RFX3: variants seen among roughly 807,000 people sequenced by gnomAD.
RFX3 encodes regulatory factor X3, also known as transcription factor RFX3.
A neutral mutation model predicts 98.6 loss-of-function variants in RFX3; 14 were observed. That is an observed-to-expected ratio of 0.14 (90% CI 0.09 to 0.22). The LOEUF (loss-of-function observed/expected upper bound fraction) is 0.22. Among genes scored for constraint, RFX3 ranks in the 10% least tolerant of loss-of-function variants. The pLI, the probability that RFX3 is intolerant of heterozygous loss-of-function variation, is 1.00. For synonymous variants in RFX3, 383 were observed against 328.4 expected, an observed-to-expected ratio of 1.17 and a Z score of -1.80; for missense variants, 639 against 926.9, an observed-to-expected ratio of 0.69 and a Z score of 4.03.
intron 7 of RFX3, among the ~76,000 whole-genome samples, chr9:3,279,450 A>G (rs1487152476): frequency 2.0e-5 from 3 of 151,892 alleles, no homozygotes; most frequent in African/African-American, 4.8e-5. Context: ...AAATAATTCC[A>G]ATAGACTTCA....
chr9:3,379,878 CAATT>C (rs1204491480), intron 2 of RFX3, among the ~76,000 whole-genome samples: 12 of 120,724 alleles, frequency 9.9e-5, no homozygotes, highest in Admixed American at 9.9e-5. Flanking sequence ...AACTTATGGG[CAATT>C]TATTTATTTA....
chr9:3,343,355 G>A (rs1395234684), intron 3 of RFX3, among the ~76,000 whole-genome samples: 1 of 152,186 alleles, frequency 6.6e-6, no homozygotes, highest in East Asian at 1.9e-4. Flanking sequence ...TCACACAGAA[G>A]TGGGACTCCG....
intron 15 of RFX3, among the ~76,000 whole-genome samples, chr9:3,245,477 G>A (rs1264650506): frequency 6.6e-6 from 1 of 152,204 alleles, no homozygotes; most frequent in Non-Finnish European, 1.5e-5. Flanking sequence ...AGGGTTTCAA[G>A]TGGGGGATGA....
chr9:3,444,735 C>G (rs972528996), intron 1 of RFX3, among the ~76,000 whole-genome samples: 8 of 152,180 alleles, frequency 5.3e-5, no homozygotes, highest in African/African-American at 1.9e-4. Flanking sequence ...TAGATTTGGT[C>G]TGTGTGGCTT....
chr9:3,478,359 A>G (rs1031389234), intron 1 of RFX3, among the ~76,000 whole-genome samples: 3 of 149,316 alleles, frequency 2.0e-5, no homozygotes, highest in Non-Finnish European at 4.4e-5. Context: ...AACGAATTTT[A>G]CAGATCCTGT....
chr9:3,455,857 AT>A (rs1847101968), intron 1 of RFX3, among the ~76,000 whole-genome samples: 1 of 152,220 alleles, frequency 6.6e-6, no homozygotes, highest in South Asian at 2.1e-4. Context: ...GCACTTCCCC[AT>A]TCCAAGTACT....
rs556283700 is a variant in RFX3, at chr9:3,222,381, T to C, written c.*2661A>G. The C allele has an allele frequency of 2.5e-4, 38 of 152,274 alleles. No individual in the cohort carries two copies. Among genetic ancestry groups the C allele is most frequent in the African/African-American group, 7.9e-4 (33 of 41,560 alleles). The allele number at this position is 152,274 out of a possible 1,614,324, so 9.4% of individuals were successfully genotyped here. A position where few individuals can be genotyped will look rare whatever the true frequency, so the allele number is the denominator to read the frequency against. Reference sequence around the variant, plus strand: ...CTAATTTAGAACAAACCATGAACAATTGGAAGAAATGTTGAATCCTGGAGC... The same window carrying C: ...CTAATTTAGAACAAACCATGAACAACTGGAAGAAATGTTGAATCCTGGAGC... On this transcript the variant is annotated 3_prime_UTR_variant, in exon 17 of 17. Coordinates refer to ENST00000617270, the MANE Select transcript of RFX3 (RefSeq NM_001282116.2).
intron 1 of RFX3, among the ~76,000 whole-genome samples, chr9:3,512,492 A>G (rs1817751458): frequency 6.6e-6 from 1 of 152,016 alleles, no homozygotes; most frequent in Non-Finnish European, 1.5e-5. Flanking sequence ...CTAATCAGAT[A>G]TCCCAACTGG....
At chr9:3,342,859 A>T (rs1834047029) in intron 3 of RFX3, among the ~76,000 whole-genome samples, 1 of 152,210 alleles carries the variant, frequency 6.6e-6, no homozygotes, top group Admixed American at 6.5e-5. Context: ...ACTGCAAGGA[A>T]ATACACAAAT....
chr9:3,328,261 T>C (rs1004415350), intron 4 of RFX3, among the ~76,000 whole-genome samples: 1 of 152,190 alleles, frequency 6.6e-6, no homozygotes, highest in African/African-American at 2.4e-5. Flanking sequence ...GAGTGCTATA[T>C]ACTACTGCCA....
At chr9:3,477,493 T>G (rs1849375050) in intron 1 of RFX3, among the ~76,000 whole-genome samples, 1 of 152,212 alleles carries the variant, frequency 6.6e-6, no homozygotes, top group African/African-American at 2.4e-5. Context: ...CTTTCAATGT[T>G]GAAAATGTCT....
intron 4 of RFX3, among the ~76,000 whole-genome samples, chr9:3,314,896 G>A (rs1830406036): frequency 6.6e-6 from 1 of 152,140 alleles, no homozygotes; most frequent in African/African-American, 2.4e-5. Context: ...GACCTACAAA[G>A]AGACTTAGAC....
chr9:3,379,507 CAATT>C (rs1312669671), intron 2 of RFX3, among the ~76,000 whole-genome samples: 2 of 151,712 alleles, frequency 1.3e-5, no homozygotes, highest in Admixed American at 6.6e-5. Context: ...TAGTGCAAGA[CAATT>C]AAAGTAGTTT....
intron 1 of RFX3, among the ~76,000 whole-genome samples, chr9:3,489,734 G>A (rs1193584132): frequency 6.6e-6 from 1 of 152,070 alleles, no homozygotes. Context: ...ATCACACAGG[G>A]TCACATATGG....
At chr9:3,351,795 T>A (rs930105240) in intron 2 of RFX3, among the ~76,000 whole-genome samples, 2 of 151,960 alleles carry the variant, frequency 1.3e-5, no homozygotes, top group African/African-American at 4.8e-5. Context: ...CCAAAGGGAT[T>A]ATATTAATTA....
At chr9:3,387,220 C>A (rs1308818149) in intron 2 of RFX3, among the ~76,000 whole-genome samples, 1 of 152,076 alleles carries the variant, frequency 6.6e-6, no homozygotes, top group Non-Finnish European at 1.5e-5. Flanking sequence ...CAAATTCCAT[C>A]AAACTTGTAT....
chr9:3,463,662 C>G (rs767304579), intron 1 of RFX3, among the ~76,000 whole-genome samples: 144 of 151,872 alleles, frequency 9.5e-4, no homozygotes, highest in Non-Finnish European at 1.7e-3. Context: ...AAGAAGGAAA[C>G]AAAGAACTGT....
intron 1 of RFX3, among the ~76,000 whole-genome samples, chr9:3,427,472 T>C (rs1034621232): frequency 2.1e-5 from 3 of 144,800 alleles, no homozygotes; most frequent in African/African-American, 7.6e-5. Flanking sequence ...TATAAATATA[T>C]ATTGTTATAT....
Position 3,221,426 on chromosome 9 carries a change from C to T in RFX3, c.*3616G>A, listed in dbSNP as rs914918715. The T allele has an allele frequency of 6.6e-6, 1 of 152,136 alleles. No individual in the cohort carries two copies. Among genetic ancestry groups the T allele is most frequent in the Non-Finnish European group, 1.5e-5 (1 of 67,998 alleles). The allele number at this position is 152,136 out of a possible 1,614,324, so 9.4% of individuals were successfully genotyped here. On this transcript the variant is annotated 3_prime_UTR_variant, in exon 17 of 17. Transcript: ENST00000617270. ...TACTACAAATCAAAGGCAGTCAATG[C>T]TGCACACTACTAATTTTAGGTATGC...
Sources: allele counts gnomAD v4.1 joint callset (sites outside exome capture counted in the v4.1 genomes callset), GRCh38; gene constraint gnomAD v4.1.1; transcripts MANE v1.5; gene names NCBI Gene and HGNC (gene_info 2026-07-23, HGNC 2026-07-21).